The following CLEC16A variants were observed in gnomAD, a reference collection of about 807,000 sequenced individuals.
CLEC16A encodes C-type lectin domain containing 16A.
In CLEC16A, 51 loss-of-function variants were observed where a neutral mutation model predicts 109.5. The observed-to-expected ratio is 0.47, with a 90% CI of 0.37 to 0.59. CLEC16A has a LOEUF of 0.59. Ranked by LOEUF, CLEC16A falls within the 20% of genes least tolerant of loss-of-function variation. The pLI, the probability that CLEC16A is intolerant of heterozygous loss-of-function variation, is 0.00. For missense variants in CLEC16A, 1,339 were observed against 1,394.0 expected (o/e 0.96, Z 0.63); for synonymous variants, 673 against 564.2 (o/e 1.19, Z -2.73).
At chr16:11,098,033 G>A (rs527753183) in intron 19 of CLEC16A, among the ~76,000 whole-genome samples, 201 of 152,318 alleles carry the variant, frequency 1.3e-3, no homozygotes, top group African/African-American at 4.5e-3. Flanking sequence ...GCTTTAAGGC[G>A]CCCGGTGCCC....
Position 10,977,297 on chromosome 16 carries a change from C to G in CLEC16A, c.801C>G (p.Ile267Met), listed in dbSNP as rs1162831403. ...HLDHLHYLND[I>M]LIINCEFLND... Reference sequence around the variant, plus strand: ...ACCACCTGCACTATCTCAATGACATCCTGATCATCAACTGTGAGTTCCTCA... The same window carrying G: ...ACCACCTGCACTATCTCAATGACATGCTGATCATCAACTGTGAGTTCCTCA... The change falls in exon 8 of 24, where the codon ATC (isoleucine) becomes ATG (methionine). Residue 267 changes from isoleucine to methionine, a missense_variant. This residue lies in a region of CLEC16A where 161 missense variants were observed against 267.1 expected (regional missense o/e 0.60). Transcript: ENST00000409790. 1.2e-6 allele frequency: 2 copies of G among 1,613,876 alleles called. No homozygotes were observed. Among genetic ancestry groups the G allele is most frequent in the Non-Finnish European group, 1.7e-6 (2 of 1,179,884 alleles).
chr16:11,031,920 A>T (rs1267122087), intron 13 of CLEC16A, among the ~76,000 whole-genome samples: 1 of 152,202 alleles, frequency 6.6e-6, no homozygotes, highest in East Asian at 1.9e-4. Context: ...TTATTCAGCA[A>T]ATGCATGTGG....
At chr16:11,166,801 T>C (rs1414515648) in intron 23 of CLEC16A, among the ~76,000 whole-genome samples, 1 of 152,222 alleles carries the variant, frequency 6.6e-6, no homozygotes, top group East Asian at 1.9e-4. Context: ...TGTCACTGAC[T>C]GCAGAGCTGA....
At chr16:10,975,404 C>T (rs1219208153) in intron 7 of CLEC16A, among the ~76,000 whole-genome samples, 1 of 152,084 alleles carries the variant, frequency 6.6e-6, no homozygotes, top group Non-Finnish European at 1.5e-5. Context: ...CTTATCAATG[C>T]TATTTGAGTT....
chr16:11,108,997 G>C (rs377719041), intron 19 of CLEC16A, among the ~76,000 whole-genome samples: 5 of 150,894 alleles, frequency 3.3e-5, no homozygotes, highest in East Asian at 2.0e-4. Context: ...TGTAGTCCCA[G>C]TTACTCGGGA....
chr16:11,064,003 G>C (rs2048631423), intron 19 of CLEC16A, among the ~76,000 whole-genome samples: 1 of 151,362 alleles, frequency 6.6e-6, no homozygotes. Context: ...GGAGGGAAGG[G>C]AAGAGGGGAG....
At chr16:11,117,107 A>G (rs932127196) in intron 19 of CLEC16A, among the ~76,000 whole-genome samples, 1 of 152,262 alleles carries the variant, frequency 6.6e-6, no homozygotes, top group Non-Finnish European at 1.5e-5. Context: ...GTTCTTACTT[A>G]TAAGTGGGAG....
At chr16:11,119,763 A>AT (rs1018015901) in intron 19 of CLEC16A, among the ~76,000 whole-genome samples, 7 of 151,470 alleles carry the variant, frequency 4.6e-5, no homozygotes, top group African/African-American at 7.3e-5. Context: ...GAATTTTAGG[A>AT]TTTTTTTTCT....
At chr16:11,133,485 C>T (rs1384342406) in intron 22 of CLEC16A, among the ~76,000 whole-genome samples, 3 of 152,064 alleles carry the variant, frequency 2.0e-5, no homozygotes, top group Non-Finnish European at 4.4e-5. Flanking sequence ...GGAAAAGCCT[C>T]GCCGGTTCCA....
intron 19 of CLEC16A, among the ~76,000 whole-genome samples, chr16:11,067,417 G>A (rs760969540): frequency 1.4e-4 from 21 of 152,070 alleles, no homozygotes; most frequent in East Asian, 5.8e-4. Flanking sequence ...AGGGCTGCAG[G>A]GGGGGTGTGG....
At chr16:10,984,018 G>T (rs975844997) in intron 10 of CLEC16A, among the ~76,000 whole-genome samples, 4 of 151,906 alleles carry the variant, frequency 2.6e-5, no homozygotes, top group African/African-American at 9.7e-5. Flanking sequence ...GGGTAAGTGA[G>T]ATGAGCATAG....
intron 22 of CLEC16A, among the ~76,000 whole-genome samples, chr16:11,151,445 G>A (rs2054287507): frequency 6.6e-6 from 1 of 152,200 alleles, no homozygotes; most frequent in Non-Finnish European, 1.5e-5. Flanking sequence ...GAAGTCCTCT[G>A]CACATATGTG....
At chr16:11,105,099 C>G (rs2051139092) in intron 19 of CLEC16A, among the ~76,000 whole-genome samples, 1 of 152,182 alleles carries the variant, frequency 6.6e-6, no homozygotes, top group Non-Finnish European at 1.5e-5. Flanking sequence ...ATTTTATTTA[C>G]TCATGCTAAA....
intron 19 of CLEC16A, among the ~76,000 whole-genome samples, chr16:11,083,691 G>C (rs1446596660): frequency 6.6e-6 from 1 of 152,234 alleles, no homozygotes; most frequent in East Asian, 1.9e-4. Context: ...TTGGGCTAAA[G>C]GAGCCCAGAA....
At chr16:11,077,964 CGT>C (rs34576806) in intron 19 of CLEC16A, among the ~76,000 whole-genome samples, 43,712 of 135,184 alleles carry the variant, frequency 0.32, 6,850 homozygotes, top group Non-Finnish European at 0.4. Flanking sequence ...CAAAAAAAAA[CGT>C]GTGTGTGTGT....
chr16:10,998,993 AAAAAC>A (rs2044499072), intron 10 of CLEC16A, among the ~76,000 whole-genome samples: 1 of 148,254 alleles, frequency 6.7e-6, no homozygotes, highest in Non-Finnish European at 1.5e-5. Flanking sequence ...AGCTTTAAGA[AAAAAC>A]AAAAAACAAA....
At chr16:11,175,560 T>C (rs1288253671) in intron 23 of CLEC16A, among the ~76,000 whole-genome samples, 2 of 152,236 alleles carry the variant, frequency 1.3e-5, no homozygotes, top group Non-Finnish European at 2.9e-5. Context: ...TTCACCTGCC[T>C]TGGTTGGATA....
chr16:10,971,635 A>G (rs899812197), intron 5 of CLEC16A: 2 of 528,100 alleles, frequency 3.8e-6, no homozygotes, highest in Non-Finnish European at 4.9e-6. Flanking sequence ...AAAGCATGTC[A>G]CATTGTGAAC....
chr16:11,109,857 T>A (rs2051465219), intron 19 of CLEC16A, among the ~76,000 whole-genome samples: 1 of 152,252 alleles, frequency 6.6e-6, no homozygotes, highest in African/African-American at 2.4e-5. Flanking sequence ...GAACTGCTAA[T>A]TTAAACTCCA....
Sources: allele counts gnomAD v4.1 joint callset (sites outside exome capture counted in the v4.1 genomes callset), GRCh38; gene constraint gnomAD v4.1.1; regional missense constraint gnomAD v4.1.1; transcripts MANE v1.5; gene names NCBI Gene and HGNC (gene_info 2026-07-23, HGNC 2026-07-21).